The following MICU1 variants were observed in gnomAD, a reference collection of about 807,000 sequenced individuals.
The protein encoded by MICU1 is calcium uptake protein 1, mitochondrial.
A neutral mutation model predicts 56.8 loss-of-function variants in MICU1; 45 were observed. That is an observed-to-expected ratio of 0.79 (90% CI 0.62 to 1.02). MICU1 has a LOEUF of 1.02. MICU1 is among the 50% of genes least tolerant of loss of function. The pLI is 0.00. For missense variants in MICU1, 504 were observed against 587.1 expected (o/e 0.86, Z 1.46); for synonymous variants, 186 against 195.1 (o/e 0.95, Z 0.39).
At chr10:72,564,755 G>A (rs1003056733) in intron 2 of MICU1, among the ~76,000 whole-genome samples, 1 of 151,954 alleles carries the variant, frequency 6.6e-6, no homozygotes, top group Non-Finnish European at 1.5e-5. Flanking sequence ...CACAGAGAAA[G>A]AGCTCCAAAA....
At chr10:72,548,988 C>T (rs1266096639) in intron 4 of MICU1, among the ~76,000 whole-genome samples, 1 of 152,108 alleles carries the variant, frequency 6.6e-6, no homozygotes, top group African/African-American at 2.4e-5. Context: ...TGAGCTACCG[C>T]ACCTGGCCAA....
chr10:72,411,235 C>A (rs530936544), intron 9 of MICU1, among the ~76,000 whole-genome samples: 3 of 152,006 alleles, frequency 2.0e-5, no homozygotes, highest in African/African-American at 7.2e-5. Context: ...GTAAGGAGTT[C>A]CGGTTTGGGA....
chr10:72,509,978 T>C (rs1240198136), intron 5 of MICU1, among the ~76,000 whole-genome samples: 1 of 151,732 alleles, frequency 6.6e-6, no homozygotes, highest in African/African-American at 2.4e-5. Flanking sequence ...TGAGAATAGG[T>C]CCCCAAAGGC....
At chr10:72,603,948 A>T (rs1841615995) in intron 1 of MICU1, among the ~76,000 whole-genome samples, 1 of 152,200 alleles carries the variant, frequency 6.6e-6, no homozygotes, top group Non-Finnish European at 1.5e-5. Context: ...ATTGGTTGAA[A>T]GAGTTAAGTT....
chr10:72,610,259 CAA>C (rs386371809), intron 1 of MICU1, among the ~76,000 whole-genome samples: 8 of 118,942 alleles, frequency 6.7e-5, no homozygotes, highest in Admixed American at 9.5e-5. Flanking sequence ...ACATACTCTC[CAA>C]AAAAAAAAAA....
chr10:72,404,134 TGC>T (rs1250626350), intron 10 of MICU1, among the ~76,000 whole-genome samples: 1 of 151,940 alleles, frequency 6.6e-6, no homozygotes. Context: ...GGATTACAGG[TGC>T]GTGCCACCAT....
intron 4 of MICU1, among the ~76,000 whole-genome samples, chr10:72,543,833 T>G (rs1839833023): frequency 6.6e-6 from 1 of 150,754 alleles, no homozygotes; most frequent in Non-Finnish European, 1.5e-5. Context: ...CTGGGTGACA[T>G]AGCGAGACCC....
chr10:72,444,792 G>A (rs763604329), intron 8 of MICU1, among the ~76,000 whole-genome samples: 1 of 152,126 alleles, frequency 6.6e-6, no homozygotes, highest in African/African-American at 2.4e-5. Context: ...CAGAGCTGGG[G>A]TACACTGCGT....
chr10:72,440,205 T>C (rs1864873588), intron 8 of MICU1, among the ~76,000 whole-genome samples: 1 of 152,092 alleles, frequency 6.6e-6, no homozygotes, highest in African/African-American at 2.4e-5. Flanking sequence ...AACAGATATA[T>C]AGACTAATGG....
chr10:72,410,171 T>C (rs1863762134), intron 9 of MICU1, among the ~76,000 whole-genome samples: 1 of 152,264 alleles, frequency 6.6e-6, no homozygotes, highest in African/African-American at 2.4e-5. Flanking sequence ...TTCATGTTTT[T>C]GTGTGTATCT....
chr10:72,481,037 T>C (rs1391667134), intron 6 of MICU1, among the ~76,000 whole-genome samples: 1 of 152,214 alleles, frequency 6.6e-6, no homozygotes, highest in Non-Finnish European at 1.5e-5. Flanking sequence ...ACAGAGGCCA[T>C]GAACCTGTGC....
chr10:72,369,590 C>T (rs905572671), intron 11 of MICU1, among the ~76,000 whole-genome samples: 1 of 152,160 alleles, frequency 6.6e-6, no homozygotes, highest in African/African-American at 2.4e-5. Flanking sequence ...TGGTGAAAAC[C>T]AAAATCAAAC....
At chr10:72,403,247 C>T (rs1181563418) in intron 10 of MICU1, among the ~76,000 whole-genome samples, 3 of 151,724 alleles carry the variant, frequency 2.0e-5, no homozygotes, top group African/African-American at 7.3e-5. Flanking sequence ...GTAATCCCAG[C>T]TTTTGGGAGG....
intron 8 of MICU1, among the ~76,000 whole-genome samples, chr10:72,446,167 T>C (rs1367084302): frequency 6.6e-6 from 1 of 152,084 alleles, no homozygotes; most frequent in East Asian, 1.9e-4. Context: ...CGGAGGACAA[T>C]ATTGTATGGA....
At chr10:72,555,255 A>G (rs192708244) in intron 3 of MICU1, among the ~76,000 whole-genome samples, 1 of 152,332 alleles carries the variant, frequency 6.6e-6, no homozygotes, top group African/African-American at 2.4e-5. Flanking sequence ...TTGTGTTTAC[A>G]AAATGCTATC....
At chr10:72,606,770 G>A (rs978965397) in intron 1 of MICU1, among the ~76,000 whole-genome samples, 1 of 152,106 alleles carries the variant, frequency 6.6e-6, no homozygotes, top group African/African-American at 2.4e-5. Context: ...AACCAACCAT[G>A]TGATTAGAAA....
At chr10:72,396,622 G>A (rs781243099) in intron 10 of MICU1, among the ~76,000 whole-genome samples, 3 of 152,196 alleles carry the variant, frequency 2.0e-5, no homozygotes, top group Non-Finnish European at 2.9e-5. Flanking sequence ...CATGGCATGA[G>A]AACTTCATGA....
intron 1 of MICU1, among the ~76,000 whole-genome samples, chr10:72,577,182 G>T (rs1032905690): frequency 2.0e-5 from 3 of 152,020 alleles, no homozygotes; most frequent in African/African-American, 4.8e-5. Flanking sequence ...GGGGCTCTGG[G>T]GGGACAGGTG....
intron 6 of MICU1, among the ~76,000 whole-genome samples, chr10:72,504,131 C>T (rs1378995768): frequency 6.6e-6 from 1 of 152,066 alleles, no homozygotes; most frequent in Non-Finnish European, 1.5e-5. Context: ...CAGAAAAAAA[C>T]TATTCTAAAG....
Sources: gnomAD v4.1 joint callset for allele counts (sites outside exome capture counted in the v4.1 genomes callset) on GRCh38, gnomAD v4.1.1 for gene constraint, MANE v1.5 for transcripts, NCBI Gene and HGNC (gene_info 2026-07-23, HGNC 2026-07-21) for gene names.